Variants in SRRM2 observed in about 807,000 individuals in gnomAD.
SRRM2 encodes serine/arginine repetitive matrix protein 2.
Under a neutral mutation model 213.8 loss-of-function variants are expected in SRRM2, and 30 were observed. The ratio of observed to expected loss-of-function variants is 0.14; its 90% confidence interval spans 0.10 to 0.19. SRRM2 has a LOEUF of 0.19. Ranked by LOEUF, SRRM2 falls within the 10% of genes least tolerant of loss-of-function variation. The pLI is 1.00. For missense variants in SRRM2, 4,904 were observed against 3,647.0 expected (o/e 1.34, Z -8.88); for synonymous variants, 2,025 against 1,377.7 (o/e 1.47, Z -10.40).
chr16:2,768,922 G>A lies in SRRM2; in HGVS notation c.7734-75G>A, dbSNP rs563171280. 2.5e-4 allele frequency: 402 copies of A among 1,595,494 alleles called. 2 individuals are homozygous for A. The South Asian group carries it at 3.8e-3, about 15-fold the overall frequency. ...CTCAGGCACCCCTCCCCCCACTGCCGTTCCTCCAGGCCAAGGAAGGTAGGG... is the reference window on the plus strand; with the variant it reads ...CTCAGGCACCCCTCCCCCCACTGCCATTCCTCCAGGCCAAGGAAGGTAGGG... On this transcript the variant is annotated intron_variant, in intron 11 of 14. Transcript: ENST00000301740.
Position 2,767,024 on chromosome 16 carries a change from G to A in SRRM2, c.6496G>A (p.Asp2166Asn). The change falls in exon 11 of 15, where the codon GAC (aspartate) becomes AAC (asparagine). Residue 2166 changes from aspartate to asparagine, a missense_variant. Physicochemically the swap from Asp to Asn is conservative, Grantham distance 23. Transcript: ENST00000301740. ...GGATGGTCCAGGTCCCCGAATACCT[G>A]ACCACCAGAGAACATCTGTGCCAGA... Reference protein sequence around the residue: ...MMDGPGPRIPDHQRTSVPENH... With the variant: ...MMDGPGPRIPNHQRTSVPENH... 6.2e-7 allele frequency: 1 copy of A among 1,614,122 alleles called. No individual in the cohort carries two copies. Among genetic ancestry groups the A allele is most frequent in the Non-Finnish European group, 8.5e-7 (1 of 1,180,040 alleles).
Position 2,756,412 on chromosome 16 carries a change from C to T in SRRM2, c.48C>T (p.Asn16=). The part of the protein sequence containing the change: ...GLPTPRGSGT[N]GYVQRNLSLV... ...CGACGCCCCGGGGCAGCGGCACCAA[C>T]GGCTACGTCCAGCGCAACCTGTCCC... is the stretch of plus-strand genomic sequence containing the variant. The change falls in exon 2 of 15, where the codon AAC becomes AAT. Residue 16 remains asparagine (N), a synonymous_variant. Coordinates refer to ENST00000301740, the MANE Select transcript of SRRM2 (RefSeq NM_016333.4). 7 of 1,610,200 alleles carry T rather than the reference C, an allele frequency of 4.3e-6. No individual in the cohort carries two copies. Among genetic ancestry groups the T allele is most frequent in the Non-Finnish European group, 5.9e-6 (7 of 1,178,564 alleles).
rs890094989 is a variant in SRRM2 at position 2,766,169 on chromosome 16, C to T, written c.5641C>T (p.Pro1881Ser). Residue 1881 changes from proline (P) to serine (S), a missense_variant, in exon 11 of 15, where the codon CCC becomes TCC. By Grantham distance (74) the Pro-to-Ser change is moderately conservative. Coordinates refer to ENST00000301740, the MANE Select transcript of SRRM2 (RefSeq NM_016333.4). The surrounding 1 kb of genome is among the most constrained non-coding windows in gnomAD (Gnocchi z 7.0). ...TCACCGGCGATCCAGGTCCAGAACC[C>T]CCCTGATAAGCCGACGTAGGTCCAG... The part of the protein sequence containing the change: ...ATHRRSRSRT[P>S]LISRRRSRSR... The T allele has an allele frequency of 8.7e-6, 14 of 1,614,078 alleles. No homozygotes were observed. The highest frequency in any genetic ancestry group is 1.3e-5 in the African/African-American group (1 of 74,918).
Position 2,763,117 on chromosome 16 carries a change from A to G in SRRM2, c.2589A>G (p.Gln863=), listed in dbSNP as rs764490343. 134 of 1,614,052 alleles carry G rather than the reference A, an allele frequency of 8.3e-5. No individual in the cohort carries two copies. The highest frequency in any genetic ancestry group is 1.1e-4 in the Non-Finnish European group (126 of 1,180,030). The change falls in exon 11 of 15, where the codon CAA becomes CAG. Residue 863 remains glutamine, a synonymous_variant. Transcript: ENST00000301740. The part of the protein sequence containing the change: ...GSITSPQANE[Q]SVTPQRRSCF... ...TAACAAGTCCCCAGGCCAATGAGCA[A>G]TCTGTAACGCCACAGAGACGGAGCT... is the stretch of plus-strand genomic sequence containing the variant.
chr16:2,758,180 C>G (rs1161125666), intron 4 of SRRM2, among the ~76,000 whole-genome samples: 1 of 152,032 alleles, frequency 6.6e-6, no homozygotes, highest in Non-Finnish European at 1.5e-5. Flanking sequence ...TTGAGACCAG[C>G]CTGGGCGATG....
chr16:2,755,101 T>C (rs1011824349), intron 1 of SRRM2, among the ~76,000 whole-genome samples: 3 of 152,238 alleles, frequency 2.0e-5, no homozygotes, highest in Non-Finnish European at 2.9e-5. Flanking sequence ...TTTTCTCATA[T>C]ATGCATGTTC....
Position 2,764,606 on chromosome 16 carries a change from C to G in SRRM2, c.4078C>G (p.Leu1360Val), listed in dbSNP as rs765164625. The change falls in exon 11 of 15, where the codon CTT (leucine) becomes GTT (valine). Residue 1360 changes from leucine (L) to valine (V), a missense_variant. Coordinates refer to ENST00000301740, the MANE Select transcript of SRRM2 (RefSeq NM_016333.4). ...TAAAGAAGATTTGAATGGACCGTTT[C>G]TTAATCAGCTGGAAACAGATCCATC... ...EVKEDLNGPF[L>V]NQLETDPSLD... 10 of 1,614,176 alleles carry G rather than the reference C, an allele frequency of 6.2e-6. No individual in the cohort carries two copies. The South Asian group carries it at 1.1e-4, about 18-fold the overall frequency.
At position 2,766,556 on chromosome 16, in the gene SRRM2, A is replaced by G. The variant is rs769955042; in HGVS notation, c.6028A>G (p.Thr2010Ala). ...PVTRRRSRSRTSPVTRRRSRS... is the reference protein window; with the variant it reads ...PVTRRRSRSRASPVTRRRSRS... Reference sequence around the variant, plus strand: ...AACTCGAAGAAGGTCCCGCTCTCGAACCTCACCAGTGACACGCCGCCGCTC... The same window carrying G: ...AACTCGAAGAAGGTCCCGCTCTCGAGCCTCACCAGTGACACGCCGCCGCTC... The change falls in exon 11 of 15, where the codon ACC becomes GCC. Residue 2010 changes from threonine (T) to alanine (A), a missense_variant. Transcript: ENST00000301740. The surrounding 1 kb of genome is among the most constrained non-coding windows in gnomAD (Gnocchi z 7.0). 6.2e-7 allele frequency: 1 copy of G among 1,614,088 alleles called. No individual in the cohort carries two copies. Among genetic ancestry groups the G allele is most frequent in the East Asian group, 2.2e-5 (1 of 44,876 alleles).
chr16:2,769,374 T>C, intron 12 of SRRM2, 90 bp downstream of exon 12: 1 of 1,428,568 alleles, frequency 7.0e-7, no homozygotes, highest in Non-Finnish European at 9.4e-7. Context: ...CCGCTGGGTG[T>C]CTCACGTGGC....
chr16:2,764,128 G>A lies in SRRM2; in HGVS notation c.3600G>A (p.Leu1200=). Residue 1200 remains leucine, a synonymous_variant, in exon 11 of 15, where the codon CTG becomes CTA. Transcript: ENST00000301740. ...TACAGGATAGGCCTGAGTCTTCACTGGTATTCAAAGACACACTTAGAACCC... is the reference window on the plus strand; with the variant it reads ...TACAGGATAGGCCTGAGTCTTCACTAGTATTCAAAGACACACTTAGAACCC... ...FPVQDRPESS[L]VFKDTLRTPP... is the part of the protein sequence containing the mutation. 6.2e-7 allele frequency: 1 copy of A among 1,614,102 alleles called. No homozygotes were observed.
chr16:2,764,875 T>G lies in SRRM2; in HGVS notation c.4347T>G (p.Asp1449Glu). The part of the protein sequence containing the change: ...SRSGSSPGLR[D>E]GSGTPSRHSL... ...CTGGGTCTTCTCCAGGACTTAGAGATGGGTCTGGGACTCCCTCGAGGCACA... is the reference window on the plus strand; with the variant it reads ...CTGGGTCTTCTCCAGGACTTAGAGAGGGGTCTGGGACTCCCTCGAGGCACA... Residue 1449 changes from aspartate to glutamate, a missense_variant, in exon 11 of 15, where the codon GAT becomes GAG. Coordinates refer to ENST00000301740, the MANE Select transcript of SRRM2 (RefSeq NM_016333.4). 1 of 1,614,174 alleles carries G rather than the reference T, an allele frequency of 6.2e-7. No homozygotes were observed. Among genetic ancestry groups the G allele is most frequent in the Non-Finnish European group, 8.5e-7 (1 of 1,180,028 alleles).
rs748337914 is a variant in SRRM2 at position 2,756,337 on chromosome 16, C to T, written c.-28C>T. On this transcript the variant is annotated 5_prime_UTR_variant, in exon 2 of 15. Transcript: ENST00000301740. ...GTGTCTCCCCGCTCCCCCTCAGGAG[C>T]GGTGGTGCCCCCCCCGGGCACGGGG... 14 of 1,571,720 alleles carry T rather than the reference C, an allele frequency of 8.9e-6. No individual in the cohort carries two copies. The highest frequency in any genetic ancestry group is 6.9e-5 in the East Asian group (3 of 43,698).
intron 1 of SRRM2, among the ~76,000 whole-genome samples, chr16:2,754,497 G>A (rs1470557395): frequency 2.6e-5 from 4 of 152,084 alleles, no homozygotes; most frequent in African/African-American, 9.7e-5. Context: ...TCACCGTGTT[G>A]GCCAGGCTGG....
At chr16:2,755,106 A>G (rs1389312309) in intron 1 of SRRM2, among the ~76,000 whole-genome samples, 3 of 152,184 alleles carry the variant, frequency 2.0e-5, no homozygotes, top group African/African-American at 7.2e-5. Context: ...TCATATATGC[A>G]TGTTCTAGGA....
rs1341503490 is a variant in SRRM2, at chr16:2,762,231, C to T, written c.1703C>T (p.Ala568Val). 1 of 1,614,120 alleles carries T rather than the reference C, an allele frequency of 6.2e-7. No individual in the cohort carries two copies. The highest frequency in any genetic ancestry group is 8.5e-7 in the Non-Finnish European group (1 of 1,179,992). ...RRGRSHSRSP[A>V]TRGRSRSRTP... ...GGGAGGTCCCACTCTAGATCCCCAG[C>T]CACTAGGGGTAGATCTCGTTCTAGA... The change falls in exon 11 of 15, where the codon GCC (alanine) becomes GTC (valine). Residue 568 changes from alanine (A) to valine (V), a missense_variant. Ala to Val is a moderately conservative substitution (Grantham distance 64). Coordinates refer to ENST00000301740, the MANE Select transcript of SRRM2 (RefSeq NM_016333.4).
In SRRM2 at chr16:2,766,314, C is replaced by T; in HGVS notation, c.5786C>T (p.Pro1929Leu). ...AGGCGATCCAGATCCAGAACGCCAC[C>T]AGTAACCCGCCGTCGTTCAAGGTCT... ...SRRRSRSRTP[P>L]VTRRRSRSRT... is the part of the protein sequence containing the mutation. Residue 1929 changes from proline to leucine, a missense_variant, in exon 11 of 15, where the codon CCA becomes CTA. Transcript: ENST00000301740. This position sits in a 1 kb window ranked among gnomAD's most constrained non-coding sequence, Gnocchi z 7.0. 1.9e-6 allele frequency: 3 copies of T among 1,614,152 alleles called. No homozygotes were observed. The highest frequency in any genetic ancestry group is 1.7e-6 in the Non-Finnish European group (2 of 1,180,008).
rs1364050855 is a variant in SRRM2, at chr16:2,761,869, A to G, written c.1341A>G (p.Pro447=). 2 of 1,607,268 alleles carry G rather than the reference A, an allele frequency of 1.2e-6. No homozygotes were observed. The change falls in exon 11 of 15, where the codon CCA becomes CCG. Residue 447 remains proline (P), a synonymous_variant. Coordinates refer to ENST00000301740, the MANE Select transcript of SRRM2 (RefSeq NM_016333.4). ...SPESPKPAPA[P]GSHREISSSP... is the part of the protein sequence containing the mutation. ...AAAGTCCTAAACCTGCTCCAGCTCC[A>G]GGGTCCCACCGAGAGATTTCTTCTT...
At position 2,759,147 on chromosome 16, in the gene SRRM2, T is replaced by A. The variant is rs2068249345; in HGVS notation, c.664T>A (p.Ser222Thr). 6.2e-7 allele frequency: 1 copy of A among 1,614,110 alleles called. No individual in the cohort carries two copies. The highest frequency in any genetic ancestry group is 1.3e-5 in the African/African-American group (1 of 74,932). Residue 222 changes from serine (S) to threonine (T), a missense_variant, in exon 7 of 15, where the codon TCT (serine) becomes ACT (threonine). Physicochemically the swap from Ser to Thr is moderately conservative, Grantham distance 58. Coordinates refer to ENST00000301740, the MANE Select transcript of SRRM2 (RefSeq NM_016333.4). ...TTCTCTTTTTTCCAACAGGTCAGAATCTGAGTCCAAGAAACGTAAGCATAG... is the reference window on the plus strand; with the variant it reads ...TTCTCTTTTTTCCAACAGGTCAGAAACTGAGTCCAAGAAACGTAAGCATAG... Reference protein sequence around the residue: ...SSKKKKHRSESESKKRKHRSP... With the variant: ...SSKKKKHRSETESKKRKHRSP...
chr16:2,758,308 A>G (rs1018800620), intron 4 of SRRM2, among the ~76,000 whole-genome samples, 162 bp from the exon 5 acceptor site: 3 of 152,208 alleles, frequency 2.0e-5, no homozygotes, highest in Non-Finnish European at 4.4e-5. Context: ...GTTGGAGGTT[A>G]CGGTGTGAGC....
Sources: allele counts gnomAD v4.1 joint callset (sites outside exome capture counted in the v4.1 genomes callset), GRCh38; gene constraint gnomAD v4.1.1; non-coding constraint Gnocchi (gnomAD v3.1); transcripts MANE v1.5; gene names NCBI Gene and HGNC (gene_info 2026-07-23, HGNC 2026-07-21).